Variants in MBTPS1 observed in about 807,000 individuals in gnomAD.
MBTPS1 encodes the protein membrane-bound transcription factor site-1 protease.
Under a neutral mutation model 127.8 loss-of-function variants are expected in MBTPS1, and 94 were observed. The observed-to-expected ratio is 0.74, with a 90% CI of 0.62 to 0.87. The LOEUF is 0.87. Among genes scored for constraint, MBTPS1 ranks in the 40% least tolerant of loss-of-function variants. The pLI is 0.00. For missense variants in MBTPS1, 1,636 were observed against 1,353.2 expected (o/e 1.21, Z -3.28); for synonymous variants, 632 against 509.4 (o/e 1.24, Z -3.24).
At chr16:84,069,628 T>C (rs1040773042) in intron 14 of MBTPS1, among the ~76,000 whole-genome samples, 3 of 152,102 alleles carry the variant, frequency 2.0e-5, no homozygotes, top group Non-Finnish European at 4.4e-5. Context: ...ACTGGCGCAA[T>C]GGGAGAAGGA....
chr16:84,087,327 A>G (rs778916093), intron 9 of MBTPS1, 31 bp downstream of exon 9: 1 of 1,552,310 alleles, frequency 6.4e-7, no homozygotes, highest in South Asian at 1.1e-5. Flanking sequence ...TTGTCCAGCT[A>G]AATACAATTA....
rs2085480159 is a variant in MBTPS1 at position 84,054,155 on chromosome 16, G to T, written c.*294C>A. 4 of 270,770 alleles carry T rather than the reference G, an allele frequency of 1.5e-5. No homozygotes were observed. The highest frequency in any genetic ancestry group is 2.2e-5 in the African/African-American group (1 of 45,634). 16.8% of individuals were successfully genotyped at this position (270,770 alleles called of 1,614,324 possible). The stretch of plus-strand genomic sequence containing the variant: ...GTACATCCTTCCCCTGCAGTCAGAA[G>T]ACCCCAGACAGCCTTTCCAGTTCTC... On this transcript the variant is annotated 3_prime_UTR_variant, in exon 23 of 23. Coordinates refer to ENST00000343411, the MANE Select transcript of MBTPS1 (RefSeq NM_003791.4).
chr16:84,114,744 C>T (rs3785029), intron 1 of MBTPS1, among the ~76,000 whole-genome samples: 50,630 of 149,800 alleles, frequency 0.34, 8,861 homozygotes, highest in East Asian at 0.63. Context: ...GCAGGAGAAT[C>T]GCTTGAACCC....
chr16:84,066,423 G>C (rs2085683541), intron 17 of MBTPS1, 66 bp downstream of exon 17: 2 of 1,509,170 alleles, frequency 1.3e-6, no homozygotes, highest in Non-Finnish European at 1.8e-6. Context: ...AAGAAATCTA[G>C]ACTTCAGAGG....
intron 3 of MBTPS1, among the ~76,000 whole-genome samples, chr16:84,098,797 A>C (rs2086214203): frequency 6.6e-6 from 1 of 152,154 alleles, no homozygotes; most frequent in Non-Finnish European, 1.5e-5. Flanking sequence ...ACTACCATCT[A>C]CTACTGCAAA....
intron 1 of MBTPS1, among the ~76,000 whole-genome samples, chr16:84,105,039 T>C (rs898371431): frequency 5.3e-5 from 8 of 151,864 alleles, no homozygotes; most frequent in Admixed American, 4.6e-4. Context: ...GAGGCAGAGG[T>C]TGCAGTGAGC....
intron 8 of MBTPS1, among the ~76,000 whole-genome samples, chr16:84,089,988 A>T: frequency 6.6e-6 from 1 of 152,232 alleles, no homozygotes; most frequent in South Asian, 2.1e-4. Context: ...GATACGTATC[A>T]CTGATGCGAC....
rs550105762 is a variant in MBTPS1, at chr16:84,068,202, G to A, written c.2071+137C>T. The stretch of plus-strand genomic sequence containing the variant: ...CACCTGTTTCAGAGCCTCGCCCCAG[G>A]CTCACCCAGCTGTGGGGCCCACGGC... On this transcript the variant is annotated intron_variant, in intron 15 of 22. Transcript: ENST00000343411. 6.0e-6 allele frequency: 4 copies of A among 664,268 alleles called. No individual in the cohort carries two copies. In the South Asian group the frequency reaches 7.1e-5, roughly 12 times the overall value. The allele number at this position is 664,268 out of a possible 1,614,324, so 41.1% of individuals were successfully genotyped here.
chr16:84,070,124 C>T (rs2085749261), intron 13 of MBTPS1, 86 bp from the exon 14 acceptor site: 1 of 1,142,922 alleles, frequency 8.7e-7, no homozygotes, highest in Admixed American at 2.5e-5. Flanking sequence ...TATTTATCAA[C>T]TTAACCTAAA....
intron 11 of MBTPS1, among the ~76,000 whole-genome samples, chr16:84,081,343 G>A (rs1346439978): frequency 6.6e-6 from 1 of 152,242 alleles, no homozygotes; most frequent in African/African-American, 2.4e-5. Flanking sequence ...CACAGTGTCA[G>A]TGTTTGTATG....
At chr16:84,107,945 A>G (rs35433992) in intron 1 of MBTPS1, among the ~76,000 whole-genome samples, 34,865 of 147,772 alleles carry the variant, frequency 0.24, 4,970 homozygotes, top group East Asian at 0.39. Context: ...GGCTCAAGAT[A>G]TCCTCCTGCC....
chr16:84,078,611 C>T (rs562925088), intron 11 of MBTPS1, among the ~76,000 whole-genome samples: 1 of 152,310 alleles, frequency 6.6e-6, no homozygotes, highest in East Asian at 1.9e-4. Context: ...TGAGGTTATT[C>T]ACTGCAAGTT....
rs1438396720 is a variant in MBTPS1, at chr16:84,072,584, G to A, written c.1594-1808C>T. ...AGGCGGGAGGGTCATGAGGTGAGGAGATCGAGACCATCCTGGCTAACATGG... is the reference window on the plus strand; with the variant it reads ...AGGCGGGAGGGTCATGAGGTGAGGAAATCGAGACCATCCTGGCTAACATGG... On this transcript the variant is annotated intron_variant, in intron 12 of 22. Transcript: ENST00000343411. Among the ~76,000 whole-genome samples the A allele has an allele frequency of 2.0e-5, 3 of 152,192 alleles. No individual in the cohort carries two copies. The East Asian group carries it at 5.8e-4, about 29-fold the overall frequency.
At chr16:84,078,163 A>T (rs2085888659) in intron 11 of MBTPS1, among the ~76,000 whole-genome samples, 1 of 152,250 alleles carries the variant, frequency 6.6e-6, no homozygotes. Flanking sequence ...AATGCCTAAC[A>T]GAGCTACCCG....
intron 15 of MBTPS1, 35 bp from the exon 16 acceptor site, chr16:84,067,858 C>T (rs1258597014): frequency 6.3e-7 from 1 of 1,587,088 alleles, no homozygotes; most frequent in African/African-American, 1.3e-5. Context: ...GGAACTGTCA[C>T]TTCTGAATGA....
intron 22 of MBTPS1, 27 bp from the exon 23 acceptor site, chr16:84,054,672 G>A (rs769197714): frequency 1.3e-6 from 2 of 1,531,380 alleles, no homozygotes; most frequent in Admixed American, 3.9e-5. Context: ...GGTTGAACAG[G>A]CAGGAACGCC....
rs749779001 is a variant in MBTPS1, at chr16:84,081,847, C to T, written c.1348G>A (p.Ala450Thr). ...ATGTTGACCCCGGGGAGCCTCCGGG[C>T]TGACGCGATCAGGGCCTGCTTCATA... ...ASMKQALIAS[A>T]RRLPGVNMFE... Residue 450 changes from alanine to threonine, a missense_variant, in exon 11 of 23, where the codon GCC (alanine) becomes ACC (threonine). Ala to Thr is a moderately conservative substitution (Grantham distance 58, BLOSUM62 0). Transcript: ENST00000343411. 2.0e-6 allele frequency: 3 copies of T among 1,529,818 alleles called. No individual in the cohort carries two copies. Among genetic ancestry groups the T allele is most frequent in the Non-Finnish European group, 2.6e-6 (3 of 1,136,296 alleles). 94.8% of individuals were successfully genotyped at this position (1,529,818 alleles called of 1,614,324 possible).
chr16:84,060,617 C>G, intron 20 of MBTPS1, 65 bp downstream of exon 20: 1 of 1,569,860 alleles, frequency 6.4e-7, no homozygotes, highest in South Asian at 1.2e-5. Flanking sequence ...CAGCCACTGG[C>G]TGAAGTAGCA....
intron 20 of MBTPS1, chr16:84,059,703 T>C: frequency 4.3e-6 from 1 of 233,288 alleles, no homozygotes; most frequent in Non-Finnish European, 8.3e-6. Context: ...TGGTCAAACT[T>C]TGCTGACCAC....
Sources: allele counts gnomAD v4.1 joint callset (sites outside exome capture counted in the v4.1 genomes callset), GRCh38; gene constraint gnomAD v4.1.1; transcripts MANE v1.5; gene names NCBI Gene and HGNC (gene_info 2026-07-23, HGNC 2026-07-21).